Variants in CFAP61 observed in about 807,000 individuals in gnomAD.
CFAP61 encodes cilia and flagella associated protein 61.
CFAP61 carries 107 observed loss-of-function variants against 135.6 expected under a neutral mutation model. The ratio of observed to expected loss-of-function variants is 0.79; its 90% CI spans 0.67 to 0.93. The LOEUF is 0.93. Ranked by LOEUF, CFAP61 falls within the 40% of genes least tolerant of loss-of-function variation. The pLI, the probability that CFAP61 is intolerant of heterozygous loss-of-function variation, is 0.00. For synonymous variants in CFAP61, 575 were observed against 578.5 expected (o/e 0.99, Z 0.09); for missense variants, 1,507 against 1,556.2 (o/e 0.97, Z 0.53).
chr20:20,075,281 G>A (rs1403730572), intron 5 of CFAP61, 25 bp downstream of exon 5: 1 of 1,609,372 alleles, frequency 6.2e-7, no homozygotes, highest in Non-Finnish European at 8.5e-7. Context: ...ACCACCTCTG[G>A]TCCCCGGTAG....
intron 8 of CFAP61, among the ~76,000 whole-genome samples, chr20:20,139,247 T>C (rs2051174336): frequency 6.6e-6 from 1 of 152,198 alleles, no homozygotes; most frequent in South Asian, 2.1e-4. Flanking sequence ...CAAGAGCCCT[T>C]TTTAAGGAGA....
intron 25 of CFAP61, among the ~76,000 whole-genome samples, chr20:20,337,298 A>ATGGATGGATAGATGGGTGGG (rs1569310322): frequency 1.0e-4 from 4 of 40,010 alleles, no homozygotes; most frequent in East Asian, 1.5e-3. Flanking sequence ...GGATAGATGG[A>ATGGATGGATAGATGGGTGGG]TGGATGGATG....
chr20:20,240,527 G>A (rs1251852834), intron 18 of CFAP61, among the ~76,000 whole-genome samples: 1 of 151,732 alleles, frequency 6.6e-6, no homozygotes, highest in East Asian at 1.9e-4. Context: ...CTGTAACCCT[G>A]CATACACAGC....
chr20:20,076,843 G>C (rs926249701), intron 6 of CFAP61, among the ~76,000 whole-genome samples: 9 of 152,162 alleles, frequency 5.9e-5, no homozygotes, highest in African/African-American at 1.7e-4. Context: ...TCCTGCTCAC[G>C]AGGTGGGTTA....
At chr20:20,167,546 A>T (rs1473516380) in intron 12 of CFAP61, among the ~76,000 whole-genome samples, 8 of 152,202 alleles carry the variant, frequency 5.3e-5, no homozygotes, top group Non-Finnish European at 1.2e-4. Flanking sequence ...TTGACTTCGG[A>T]ACATGGACGA....
Position 20,360,287 on chromosome 20 carries a change from G to T in CFAP61, c.3591G>T (p.Arg1197Ser). Residue 1197 changes from arginine (R) to serine (S), a missense_variant, in exon 27 of 27, where the codon AGG becomes AGT. Physicochemically the swap from Arg to Ser is moderately radical, Grantham distance 110. Transcript: ENST00000245957. ...DEEINPTEKP[R>S]QYLKRVFEES... is the part of the protein sequence containing the mutation. Reference sequence around the variant, plus strand: ...AAATCAACCCGACTGAGAAGCCCAGGCAATACCTCAAAAGAGTTTTTGAGG... The same window carrying T: ...AAATCAACCCGACTGAGAAGCCCAGTCAATACCTCAAAAGAGTTTTTGAGG... The T allele has an allele frequency of 6.2e-7, 1 of 1,613,848 alleles. No homozygotes were observed. The highest frequency in any genetic ancestry group is 8.5e-7 in the Non-Finnish European group (1 of 1,179,984).
rs3060422 is a variant in CFAP61, at chr20:20,084,401, C to CCTGCTG, written c.567-6409_567-6404dup. Among the ~76,000 whole-genome samples the CCTGCTG allele has an allele frequency of 5.0e-3, 756 of 150,804 alleles. 4 individuals carry two copies. Among genetic ancestry groups the CCTGCTG allele is most frequent in the African/African-American group, 0.015 (605 of 41,026 alleles). On this transcript the variant is annotated intron_variant, in intron 6 of 26. Coordinates refer to ENST00000245957, the MANE Select transcript of CFAP61 (RefSeq NM_015585.4). Reference sequence around the variant, plus strand: ...GCCAGGATTCTGGATGCGGAGGTGGCCTGCTGCTGCTGCTGCTGCTGCTGC... The same window carrying CCTGCTG: ...GCCAGGATTCTGGATGCGGAGGTGGCCTGCTGCTGCTGCTGCTGCTGCTGCTGCTGC...
intron 26 of CFAP61, among the ~76,000 whole-genome samples, chr20:20,351,767 C>G (rs571207578): frequency 1.3e-5 from 2 of 151,982 alleles, no homozygotes; most frequent in Non-Finnish European, 2.9e-5. Context: ...GGAAAGATAT[C>G]ATGTGTTCAT....
chr20:20,212,073 G>T (rs917951844), intron 17 of CFAP61, among the ~76,000 whole-genome samples: 2 of 152,166 alleles, frequency 1.3e-5, no homozygotes, highest in African/African-American at 4.8e-5. Context: ...TGATTTGTTT[G>T]CAGACAACAT....
chr20:20,136,447 T>G (rs2050931991), intron 8 of CFAP61, among the ~76,000 whole-genome samples: 1 of 152,176 alleles, frequency 6.6e-6, no homozygotes, highest in Admixed American at 6.5e-5. Flanking sequence ...TTTTGTCTCC[T>G]CTGACTGTTA....
intron 25 of CFAP61, among the ~76,000 whole-genome samples, chr20:20,329,396 T>A (rs1282153965): frequency 3.3e-5 from 5 of 152,324 alleles, no homozygotes; most frequent in African/African-American, 1.2e-4. Flanking sequence ...TCCCTGCACC[T>A]CTGAGCCAGG....
At chr20:20,289,017 T>C in intron 23 of CFAP61, 81 bp downstream of exon 23, 1 of 1,174,586 alleles carries the variant, frequency 8.5e-7, no homozygotes, top group Non-Finnish European at 1.2e-6. Context: ...TCCAGGTTTC[T>C]CTTAGGCTTG....
At chr20:20,207,127 C>G (rs986296489) in intron 17 of CFAP61, among the ~76,000 whole-genome samples, 1 of 152,204 alleles carries the variant, frequency 6.6e-6, no homozygotes, top group African/African-American at 2.4e-5. Flanking sequence ...CTGCTTCACC[C>G]TCTCTAACTC....
intron 25 of CFAP61, among the ~76,000 whole-genome samples, chr20:20,319,974 G>A (rs773757773): frequency 6.8e-4 from 103 of 152,078 alleles, no homozygotes; most frequent in Non-Finnish European, 1.3e-3. Flanking sequence ...GACTAGGACT[G>A]TTGATCTACC....
At position 20,126,109 on chromosome 20, in the gene CFAP61, T is replaced by C. The variant is rs115868427; in HGVS notation, c.860-16748T>C. Among the ~76,000 whole-genome samples, 356 of 151,894 alleles carry C rather than the reference T, an allele frequency of 2.3e-3. 9 individuals are homozygous for C. Among genetic ancestry groups the C allele is most frequent in the African/African-American group, 8.4e-3 (344 of 41,180 alleles). ...TACTTTAGGTTTATGTGGGTCCTTATGTGTGAGTCTCCTGAAGGTAGCAGG... is the reference window on the plus strand; with the variant it reads ...TACTTTAGGTTTATGTGGGTCCTTACGTGTGAGTCTCCTGAAGGTAGCAGG... On this transcript the variant is annotated intron_variant, in intron 8 of 26. Transcript: ENST00000245957.
At chr20:20,319,979 T>C (rs1274476502) in intron 25 of CFAP61, among the ~76,000 whole-genome samples, 1 of 152,002 alleles carries the variant, frequency 6.6e-6, no homozygotes, top group Admixed American at 6.6e-5. Flanking sequence ...GGACTGTTGA[T>C]CTACCACCAA....
In CFAP61 at chr20:20,199,353, T is replaced by C. The variant is rs151198923; in HGVS notation, c.1798-415T>C. 3.1e-3 allele frequency among the ~76,000 whole-genome samples: 476 copies of C among 152,258 alleles called. 3 individuals carry two copies. The highest frequency in any genetic ancestry group is 0.011 in the African/African-American group (449 of 41,550). ...CTGCTAAGTTACCCCTTGGATGACA[T>C]TTTTATCTATGTGTCTTCTTAAAGC... On this transcript the variant is annotated intron_variant, in intron 16 of 26. Transcript: ENST00000245957.
chr20:20,176,825 T>A (rs77633492), intron 13 of CFAP61, among the ~76,000 whole-genome samples: 29,075 of 152,122 alleles, frequency 0.19, 3,509 homozygotes, highest in Non-Finnish European at 0.27. Context: ...TGGCACACTA[T>A]GTAACGTATA....
chr20:20,094,929 G>GGT (rs2047457077), intron 7 of CFAP61, among the ~76,000 whole-genome samples: 1 of 152,188 alleles, frequency 6.6e-6, no homozygotes. Flanking sequence ...ATGGTGTGCT[G>GGT]GAGCCAGCTT....
Sources: gnomAD v4.1 joint callset for allele counts (sites outside exome capture counted in the v4.1 genomes callset) on GRCh38, gnomAD v4.1.1 for gene constraint, MANE v1.5 for transcripts, NCBI Gene and HGNC (gene_info 2026-07-23, HGNC 2026-07-21) for gene names.